The following GATA4 variants were observed in gnomAD, a reference collection of about 807,000 sequenced individuals.
The protein encoded by GATA4 is transcription factor GATA-4.
A neutral mutation model predicts 37.9 loss-of-function variants in GATA4; 7 were observed. The ratio of observed to expected loss-of-function variants is 0.18; its 90% confidence interval spans 0.11 to 0.35. The LOEUF is 0.35. Among genes scored for constraint, GATA4 ranks in the 10% least tolerant of loss-of-function variants. The pLI is 1.00. For missense variants in GATA4, 647 were observed against 653.0 expected, an observed-to-expected ratio of 0.99 and a Z score of 0.10; for synonymous variants, 372 against 292.6, an observed-to-expected ratio of 1.27 and a Z score of -2.77.
chr8:11,732,712 C>T (rs1801269168), intron 2 of GATA4, among the ~76,000 whole-genome samples: 1 of 152,168 alleles, frequency 6.6e-6, no homozygotes, highest in South Asian at 2.1e-4. Flanking sequence ...TAGAGACTTC[C>T]TGCGAAGGCT....
intron 2 of GATA4, among the ~76,000 whole-genome samples, chr8:11,719,726 A>G (rs1162156145): frequency 6.6e-6 from 1 of 152,208 alleles, no homozygotes; most frequent in South Asian, 2.1e-4. Context: ...TCATTTCAGC[A>G]CTGATGGCAA....
At chr8:11,693,195 G>T (rs1244600284) in intron 1 of GATA4, 1 of 680,640 alleles carries the variant, frequency 1.5e-6, no homozygotes, top group Non-Finnish European at 1.8e-6. Context: ...GCTGGGCGCG[G>T]TGGCGCATAT....
Position 11,758,595 on chromosome 8 carries a change from A to T in GATA4, c.*120A>T. The T allele has an allele frequency of 1.1e-6, 1 of 946,076 alleles. No homozygotes were observed. 58.6% of individuals were successfully genotyped at this position (946,076 alleles called of 1,614,324 possible). A position where few individuals can be genotyped will look rare whatever the true frequency, so the allele number is the denominator to read the frequency against. Reference sequence around the variant, plus strand: ...GCCTGGTAATGACTCCAGAACAACAACTGGGAAGAAACTTGAAGTCGACAA... The same window carrying T: ...GCCTGGTAATGACTCCAGAACAACATCTGGGAAGAAACTTGAAGTCGACAA... On this transcript the variant is annotated 3_prime_UTR_variant, in exon 7 of 7. Coordinates refer to ENST00000532059, the MANE Select transcript of GATA4 (RefSeq NM_001308093.3).
intron 4 of GATA4, among the ~76,000 whole-genome samples, chr8:11,753,316 G>C (rs1802390977): frequency 6.6e-6 from 1 of 152,152 alleles, no homozygotes; most frequent in South Asian, 2.1e-4. Context: ...TAGGGAAAGG[G>C]GGAATGAGGA....
intron 1 of GATA4, among the ~76,000 whole-genome samples, chr8:11,695,842 G>A (rs1466914021): frequency 1.3e-5 from 2 of 152,206 alleles, no homozygotes; most frequent in Non-Finnish European, 2.9e-5. Flanking sequence ...GCTCAAGATA[G>A]GCACTGGAGC....
intron 2 of GATA4, among the ~76,000 whole-genome samples, chr8:11,733,498 T>C (rs955629257): frequency 6.6e-6 from 1 of 152,220 alleles, no homozygotes; most frequent in Non-Finnish European, 1.5e-5. Flanking sequence ...GCAGCCAAGG[T>C]ATTAGGAATG....
chr8:11,690,440 G>A (rs907557977), upstream of GATA4, among the ~76,000 whole-genome samples: 3 of 152,190 alleles, frequency 2.0e-5, no homozygotes, highest in African/African-American at 7.2e-5. Flanking sequence ...AAATTTTGGA[G>A]AGAGAGGTAT....
chr8:11,742,961 G>A (rs1801826281), intron 2 of GATA4, among the ~76,000 whole-genome samples: 1 of 152,230 alleles, frequency 6.6e-6, no homozygotes, highest in Non-Finnish European at 1.5e-5. Context: ...CTCCCCTCCT[G>A]CCCAGTCTGG....
At chr8:11,706,174 G>A (rs1316913546) in intron 1 of GATA4, 3 of 152,156 alleles carry the variant, frequency 2.0e-5, no homozygotes, top group Non-Finnish European at 2.9e-5. Context: ...TATTTTGAAA[G>A]CAAATAAGCT....
chr8:11,737,839 A>G (rs1423681408), intron 2 of GATA4, among the ~76,000 whole-genome samples: 5 of 152,212 alleles, frequency 3.3e-5, no homozygotes, highest in Non-Finnish European at 7.3e-5. Flanking sequence ...TGCATGAAAG[A>G]GTGATGATGC....
intron 2 of GATA4, among the ~76,000 whole-genome samples, chr8:11,722,666 C>A (rs1181060026): frequency 6.6e-6 from 1 of 152,218 alleles, no homozygotes; most frequent in Non-Finnish European, 1.5e-5. Context: ...ACTGCCTTCT[C>A]TTCATGACAT....
chr8:11,722,958 C>T (rs1020418754), intron 2 of GATA4, among the ~76,000 whole-genome samples: 4 of 152,182 alleles, frequency 2.6e-5, no homozygotes, highest in Admixed American at 1.3e-4. Context: ...CTGCTACAGT[C>T]GCTTTACTTT....
intron 2 of GATA4, among the ~76,000 whole-genome samples, chr8:11,735,566 TTTC>T (rs149549675): frequency 0.035 from 5,276 of 152,272 alleles, 248 homozygotes; most frequent in African/African-American, 0.11. Context: ...TGTTTCTTTC[TTTC>T]TTTCTTTTTT....
chr8:11,682,044 T>A (rs1320569872), intron 1 of GATA4, among the ~76,000 whole-genome samples: 1 of 152,266 alleles, frequency 6.6e-6, no homozygotes, highest in Non-Finnish European at 1.5e-5. Context: ...TGTGAATTAT[T>A]TTAATTTCTG....
At chr8:11,691,492 G>A (rs1049800211), upstream of GATA4, among the ~76,000 whole-genome samples, 9 of 152,328 alleles carry the variant, frequency 5.9e-5, no homozygotes, top group East Asian at 1.7e-3. Context: ...TATTAAAGAT[G>A]AGGTTTCTCC....
chr8:11,747,023 T>C (rs965638443), intron 2 of GATA4, among the ~76,000 whole-genome samples: 1 of 152,152 alleles, frequency 6.6e-6, no homozygotes, highest in African/African-American at 2.4e-5. Context: ...CTGGGCCACA[T>C]AACTAGCAAA....
chr8:11,686,814 A>G (rs1000568104), intron 1 of GATA4, among the ~76,000 whole-genome samples: 2 of 152,160 alleles, frequency 1.3e-5, no homozygotes, highest in African/African-American at 4.8e-5. Flanking sequence ...CCTGACCAAC[A>G]TGATGAAACC....
intron 6 of GATA4, among the ~76,000 whole-genome samples, chr8:11,757,551 A>G (rs1488910118): frequency 1.3e-5 from 2 of 152,210 alleles, no homozygotes; most frequent in Non-Finnish European, 1.5e-5. Context: ...CAGGGAGGTT[A>G]GACTTCAACA....
At chr8:11,754,937 T>C (rs1289237824) in intron 4 of GATA4, 109 bp from the exon 5 acceptor site, 1 of 821,676 alleles carries the variant, frequency 1.2e-6, no homozygotes, top group Non-Finnish European at 2.1e-6. Flanking sequence ...CCAGGCTTTG[T>C]GGAGAGATTG....
Sources: gnomAD v4.1 joint callset for allele counts (sites outside exome capture counted in the v4.1 genomes callset) on GRCh38, gnomAD v4.1.1 for gene constraint, MANE v1.5 for transcripts, NCBI Gene and HGNC (gene_info 2026-07-23, HGNC 2026-07-21) for gene names.